Variants in NR1H4 observed in about 807,000 individuals in gnomAD.
The protein encoded by NR1H4 is nuclear receptor subfamily 1 group H member 4.
In NR1H4, 23 loss-of-function variants were observed where a neutral mutation model predicts 58.5. That is an observed-to-expected ratio of 0.39 (90% CI 0.28 to 0.56). The LOEUF (loss-of-function observed/expected upper bound fraction) is 0.56. NR1H4 is among the 20% of genes least tolerant of loss of function. The pLI, the probability that NR1H4 is intolerant of heterozygous loss-of-function variation, is 0.58. For synonymous variants in NR1H4, 214 were observed against 198.0 expected, an observed-to-expected ratio of 1.08 and a Z score of -0.68; for missense variants, 487 against 576.9, an observed-to-expected ratio of 0.84 and a Z score of 1.60.
At chr12:100,522,200 T>C (rs577732924) in intron 4 of NR1H4, among the ~76,000 whole-genome samples, 4 of 152,158 alleles carry the variant, frequency 2.6e-5, no homozygotes, top group African/African-American at 4.8e-5. Flanking sequence ...GTGATGATGA[T>C]GGTAATTATG....
At chr12:100,487,378 G>A (rs918530349) in intron 1 of NR1H4, among the ~76,000 whole-genome samples, 1 of 152,074 alleles carries the variant, frequency 6.6e-6, no homozygotes, top group Non-Finnish European at 1.5e-5. Context: ...GTGGATGAAG[G>A]AATGCTTAAA....
At chr12:100,503,054 A>G (rs1362515887) in intron 3 of NR1H4, among the ~76,000 whole-genome samples, 1 of 152,176 alleles carries the variant, frequency 6.6e-6, no homozygotes, top group East Asian at 1.9e-4. Flanking sequence ...ATTTTAAATC[A>G]TACCATTCCA....
At chr12:100,475,995 G>A (rs867462606) in intron 1 of NR1H4, among the ~76,000 whole-genome samples, 4 of 152,078 alleles carry the variant, frequency 2.6e-5, no homozygotes, top group Non-Finnish European at 5.9e-5. Context: ...CGGCTTCCCA[G>A]AGTGCTAGGA....
At position 100,543,663 on chromosome 12, in the gene NR1H4, C is replaced by T. The variant is rs982365106; in HGVS notation, c.1078+2845C>T. 9.9e-5 allele frequency among the ~76,000 whole-genome samples: 15 copies of T among 152,054 alleles called. No individual in the cohort carries two copies. The South Asian group carries it at 3.1e-3, about 32-fold the overall frequency. On this transcript the variant is annotated intron_variant, in intron 9 of 10. Coordinates refer to ENST00000392986, the MANE Select transcript of NR1H4 (RefSeq NM_001206979.2). ...AGTTCTACAAGTCTTACTGCTTTTC[C>T]TCTCTTAAATAATTCAATTTTCCTG...
chr12:100,495,502 G>A (rs1441345243), intron 3 of NR1H4, among the ~76,000 whole-genome samples: 1 of 152,132 alleles, frequency 6.6e-6, no homozygotes. Flanking sequence ...GGAGGCTGAG[G>A]GAGGTGGATC....
At chr12:100,504,758 G>A (rs908896321) in intron 3 of NR1H4, among the ~76,000 whole-genome samples, 12 of 152,200 alleles carry the variant, frequency 7.9e-5, no homozygotes, top group African/African-American at 2.2e-4. Flanking sequence ...AACAAGTTGT[G>A]GGTGAAATGA....
intron 4 of NR1H4, among the ~76,000 whole-genome samples, chr12:100,517,663 C>T (rs1954302462): frequency 6.6e-6 from 1 of 152,154 alleles, no homozygotes; most frequent in African/African-American, 2.4e-5. Flanking sequence ...TAAGGGTTGA[C>T]TTTTCTCTAC....
intron 9 of NR1H4, among the ~76,000 whole-genome samples, chr12:100,558,349 CAAAAAAAAAA>C (rs10617220): frequency 1.9e-4 from 15 of 79,958 alleles, no homozygotes; most frequent in Middle Eastern, 6.3e-3. Flanking sequence ...GATTCCATCT[CAAAAAAAAAA>C]AAAAAAAAAA....
At chr12:100,501,798 T>C (rs1430956628) in intron 3 of NR1H4, among the ~76,000 whole-genome samples, 3 of 152,214 alleles carry the variant, frequency 2.0e-5, no homozygotes, top group Non-Finnish European at 4.4e-5. Context: ...TTATTATCTA[T>C]GTTTTACCAT....
intron 3 of NR1H4, among the ~76,000 whole-genome samples, chr12:100,506,758 T>A (rs1230199017): frequency 6.6e-6 from 1 of 152,242 alleles, no homozygotes; most frequent in East Asian, 1.9e-4. Context: ...TCCACTCGCC[T>A]TTGCCTCCCA....
At chr12:100,509,487 G>A (rs192205439) in intron 3 of NR1H4, among the ~76,000 whole-genome samples, 76 of 152,234 alleles carry the variant, frequency 5.0e-4, no homozygotes, top group African/African-American at 1.8e-3. Context: ...TTTTAAGTCA[G>A]CTATAATTTA....
At chr12:100,476,667 T>C (rs1167827918) in intron 1 of NR1H4, among the ~76,000 whole-genome samples, 1 of 152,212 alleles carries the variant, frequency 6.6e-6, no homozygotes, top group Non-Finnish European at 1.5e-5. Context: ...CCCTTCCCTT[T>C]GCTCTCAGTC....
At chr12:100,478,179 T>C (rs1953309220) in intron 1 of NR1H4, among the ~76,000 whole-genome samples, 1 of 151,408 alleles carries the variant, frequency 6.6e-6, no homozygotes, top group Non-Finnish European at 1.5e-5. Context: ...AGGCTGTGCA[T>C]GTGTGTGGGG....
chr12:100,495,785 C>A (rs578055148), intron 3 of NR1H4, among the ~76,000 whole-genome samples: 2 of 151,656 alleles, frequency 1.3e-5, no homozygotes, highest in Admixed American at 6.6e-5. Flanking sequence ...AAGGGGAGGA[C>A]GAAGAAAATT....
At chr12:100,488,248 C>T (rs1262531584) in intron 1 of NR1H4, among the ~76,000 whole-genome samples, 5 of 151,750 alleles carry the variant, frequency 3.3e-5, no homozygotes, top group African/African-American at 1.2e-4. Flanking sequence ...AATCCGCCCA[C>T]CTCAGCCTCC....
chr12:100,544,614 T>A (rs899654057), intron 9 of NR1H4, among the ~76,000 whole-genome samples: 7 of 152,174 alleles, frequency 4.6e-5, no homozygotes, highest in Non-Finnish European at 8.8e-5. Context: ...TTTCTTCTTT[T>A]TGAGTCAGTA....
chr12:100,558,978 T>G (rs544819162), intron 9 of NR1H4, among the ~76,000 whole-genome samples: 1 of 152,326 alleles, frequency 6.6e-6, no homozygotes, highest in South Asian at 2.1e-4. Flanking sequence ...TATGGTATAT[T>G]AAATGCTTAA....
At chr12:100,497,674 T>G (rs1041208680) in intron 3 of NR1H4, among the ~76,000 whole-genome samples, 4 of 152,090 alleles carry the variant, frequency 2.6e-5, no homozygotes, top group Non-Finnish European at 5.9e-5. Context: ...GCCAGGAAGC[T>G]TGGTCAAAGA....
At chr12:100,509,579 GTAGGTGTTAT>G (rs1488679611) in intron 3 of NR1H4, among the ~76,000 whole-genome samples, 1 of 152,144 alleles carries the variant, frequency 6.6e-6, no homozygotes, top group African/African-American at 2.4e-5. Context: ...ACCCAATGAG[GTAGGTGTTAT>G]TATTCTCTGT....
Sources: allele counts gnomAD v4.1 joint callset (sites outside exome capture counted in the v4.1 genomes callset), GRCh38; gene constraint gnomAD v4.1.1; transcripts MANE v1.5; gene names NCBI Gene and HGNC (gene_info 2026-07-23, HGNC 2026-07-21).